The following MYO3B variants were observed in gnomAD, a reference collection of about 807,000 sequenced individuals.
MYO3B encodes myosin IIIB.
MYO3B carries 156 observed loss-of-function variants against 174.6 expected under a neutral mutation model. That is an observed-to-expected ratio of 0.89 (90% CI 0.78 to 1.02). MYO3B has a LOEUF of 1.02. Ranked by LOEUF, MYO3B falls within the 50% of genes least tolerant of loss-of-function variation. The pLI is 0.00. For missense variants in MYO3B, 1,632 were observed against 1,639.4 expected, an observed-to-expected ratio of 1.00 and a Z score of 0.08; for synonymous variants, 563 against 569.1, an observed-to-expected ratio of 0.99 and a Z score of 0.15.
chr2:170,626,390 T>C (rs139729600), intron 32 of MYO3B, among the ~76,000 whole-genome samples: 3,579 of 152,310 alleles, frequency 0.023, 171 homozygotes, highest in East Asian at 0.14. Flanking sequence ...TGCCTTTTGT[T>C]TTCCATTTGC....
chr2:170,633,198 C>T lies in MYO3B; in HGVS notation c.3734-18430C>T, dbSNP rs565781625. 4.8e-4 allele frequency among the ~76,000 whole-genome samples: 73 copies of T among 152,248 alleles called. 1 individual carries two copies. The highest frequency in any genetic ancestry group is 3.5e-3 in the Admixed American group (54 of 15,276). ...GAGAATTTTAGACCAATATCCCTGA[C>T]GAACATCGATGCAGAAATCCTCAAT... On this transcript the variant is annotated intron_variant, in intron 32 of 34. Coordinates refer to ENST00000408978, the MANE Select transcript of MYO3B (RefSeq NM_138995.5).
rs984601216 is a variant in MYO3B, at chr2:170,299,830, G to A, written c.750-35555G>A. On this transcript the variant is annotated intron_variant, in intron 7 of 34. Coordinates refer to ENST00000408978, the MANE Select transcript of MYO3B (RefSeq NM_138995.5). The stretch of plus-strand genomic sequence containing the variant: ...GGCAAGGGCAGTAAGAAACAAAGAT[G>A]CATTGCTAGATCACAGGAATAATTA... Among the ~76,000 whole-genome samples, 3 of 152,198 alleles carry A rather than the reference G, an allele frequency of 2.0e-5. No individual in the cohort carries two copies. The South Asian group carries it at 6.2e-4, about 32-fold the overall frequency.
intron 32 of MYO3B, among the ~76,000 whole-genome samples, chr2:170,547,337 A>G (rs1575146706): frequency 6.6e-6 from 1 of 150,402 alleles, no homozygotes; most frequent in Non-Finnish European, 1.5e-5. Context: ...CTCAAAAAAA[A>G]AAAAAAAGAA....
In MYO3B at chr2:170,603,327, T is replaced by C. The variant is rs1330523603; in HGVS notation, c.3734-48301T>C. Reference sequence around the variant, plus strand: ...TGAAGGAAAGCATCTTTAGGAAACATTGCTATTTTGAAAAAAATCTAGTGG... The same window carrying C: ...TGAAGGAAAGCATCTTTAGGAAACACTGCTATTTTGAAAAAAATCTAGTGG... On this transcript the variant is annotated intron_variant, in intron 32 of 34. Coordinates refer to ENST00000408978, the MANE Select transcript of MYO3B (RefSeq NM_138995.5). Among the ~76,000 whole-genome samples the C allele has an allele frequency of 4.6e-5, 7 of 152,172 alleles. No homozygotes were observed. The East Asian group carries it at 1.3e-3, about 29-fold the overall frequency.
chr2:170,638,094 C>G (rs1185661668), intron 32 of MYO3B, among the ~76,000 whole-genome samples: 1 of 95,124 alleles, frequency 1.1e-5, no homozygotes, highest in East Asian at 2.2e-4. Flanking sequence ...CTCTCTCCCT[C>G]TCTCTCTCTC....
chr2:170,545,694 T>C (rs1690436710), intron 32 of MYO3B, among the ~76,000 whole-genome samples: 1 of 152,240 alleles, frequency 6.6e-6, no homozygotes, highest in African/African-American at 2.4e-5. Context: ...TGATTTGCTA[T>C]AAATGGCTCA....
chr2:170,569,390 C>T (rs767036961), intron 32 of MYO3B, among the ~76,000 whole-genome samples: 8 of 152,128 alleles, frequency 5.3e-5, no homozygotes, highest in Non-Finnish European at 1.2e-4. Flanking sequence ...CAGTAACAGC[C>T]TCTAAAAGCT....
Position 170,400,187 on chromosome 2 carries a change from G to A in MYO3B, c.1792-1G>A. 1.9e-6 allele frequency: 3 copies of A among 1,613,968 alleles called. No individual in the cohort carries two copies. Among genetic ancestry groups the A allele is most frequent in the Non-Finnish European group, 2.5e-6 (3 of 1,179,944 alleles). On this transcript the variant is annotated splice_acceptor_variant, in intron 16 of 34. Coordinates refer to ENST00000408978, the MANE Select transcript of MYO3B (RefSeq NM_138995.5). LOFTEE classifies it high-confidence loss of function. ...TATATGGTTCTTGATGTCCTTTTCA[G>A]GAGGTGCACTCAGTGTACAGAATTT... is the stretch of plus-strand genomic sequence containing the variant.
At chr2:170,513,164 G>A (rs1383952590) in intron 28 of MYO3B, among the ~76,000 whole-genome samples, 1 of 152,034 alleles carries the variant, frequency 6.6e-6, no homozygotes, top group Non-Finnish European at 1.5e-5. Flanking sequence ...TCTAATTTCA[G>A]TACTTAACAT....
intron 32 of MYO3B, among the ~76,000 whole-genome samples, chr2:170,650,282 C>G (rs1404833142): frequency 6.6e-6 from 1 of 151,516 alleles, no homozygotes; most frequent in Non-Finnish European, 1.5e-5. Context: ...TAGATTTGTC[C>G]CAATTCAAGA....
intron 22 of MYO3B, among the ~76,000 whole-genome samples, chr2:170,424,334 C>G (rs1174550126): frequency 6.6e-6 from 1 of 152,068 alleles, no homozygotes; most frequent in Non-Finnish European, 1.5e-5. Context: ...AAAAGAAAAA[C>G]TAGGCCAGGC....
chr2:170,331,923 C>G (rs2093914449), intron 7 of MYO3B, among the ~76,000 whole-genome samples: 1 of 152,210 alleles, frequency 6.6e-6, no homozygotes, highest in African/African-American at 2.4e-5. Context: ...CTGCCTCCCT[C>G]TTCCACTTTA....
At chr2:170,530,284 A>G (rs1214558487) in intron 30 of MYO3B, among the ~76,000 whole-genome samples, 1 of 152,112 alleles carries the variant, frequency 6.6e-6, no homozygotes, top group Non-Finnish European at 1.5e-5. Flanking sequence ...ACAGTCCCTG[A>G]TACCAAAATT....
chr2:170,616,879 AATGGCATTT>A (rs1397551406), intron 32 of MYO3B, among the ~76,000 whole-genome samples: 1 of 152,182 alleles, frequency 6.6e-6, no homozygotes, highest in African/African-American at 2.4e-5. Context: ...CTTCCTTGTA[AATGGCATTT>A]TACTGATTCC....
At chr2:170,299,929 G>T (rs558909962) in intron 7 of MYO3B, among the ~76,000 whole-genome samples, 3 of 152,300 alleles carry the variant, frequency 2.0e-5, no homozygotes, top group African/African-American at 7.2e-5. Flanking sequence ...TGTTTACATT[G>T]TTGGAATGAG....
chr2:170,417,922 A>G (rs1209662577), intron 22 of MYO3B, among the ~76,000 whole-genome samples: 2 of 151,136 alleles, frequency 1.3e-5, no homozygotes, highest in East Asian at 3.9e-4. Context: ...CAATTACACA[A>G]TTCAATGTAT....
chr2:170,632,327 C>T (rs1470668203), intron 32 of MYO3B, among the ~76,000 whole-genome samples: 2 of 152,162 alleles, frequency 1.3e-5, no homozygotes, highest in Non-Finnish European at 2.9e-5. Flanking sequence ...AAGAAACTCA[C>T]TCAAAACCGC....
chr2:170,562,154 C>G (rs1192684668), intron 32 of MYO3B, among the ~76,000 whole-genome samples: 1 of 152,130 alleles, frequency 6.6e-6, no homozygotes, highest in African/African-American at 2.4e-5. Flanking sequence ...TCACATTTTA[C>G]TTTTAGCTCT....
intron 16 of MYO3B, among the ~76,000 whole-genome samples, chr2:170,399,273 G>T (rs1461430238): frequency 8.8e-5 from 6 of 67,914 alleles, no homozygotes; most frequent in East Asian, 1.2e-3. Context: ...AAAAGAGAGA[G>T]ACCAGTCTGG....
Sources: allele counts gnomAD v4.1 joint callset (sites outside exome capture counted in the v4.1 genomes callset), GRCh38; gene constraint gnomAD v4.1.1; transcripts MANE v1.5; gene names NCBI Gene and HGNC (gene_info 2026-07-23, HGNC 2026-07-21).